THRB: variants seen among roughly 807,000 people sequenced by gnomAD.
THRB encodes the protein nuclear receptor subfamily 1 group A member 2.
THRB carries 12 observed loss-of-function variants against 47.8 expected under a neutral mutation model. The observed-to-expected ratio is 0.25, with a 90% CI of 0.16 to 0.41. THRB has a LOEUF of 0.41. THRB is among the 10% of genes least tolerant of loss of function. The pLI, the probability that THRB is intolerant of heterozygous loss-of-function variation, is 1.00. For missense variants in THRB, 348 were observed against 589.2 expected, an observed-to-expected ratio of 0.59 and a Z score of 4.24; for synonymous variants, 218 against 212.2, an observed-to-expected ratio of 1.03 and a Z score of -0.24.
intron 3 of THRB, among the ~76,000 whole-genome samples, chr3:24,237,246 C>A (rs2048967237): frequency 6.6e-6 from 1 of 152,178 alleles, no homozygotes; most frequent in African/African-American, 2.4e-5. Context: ...ACATAACAGA[C>A]TTTAGCAAAT....
chr3:24,338,340 T>C (rs574305572), intron 1 of THRB, among the ~76,000 whole-genome samples: 2 of 152,382 alleles, frequency 1.3e-5, no homozygotes, highest in South Asian at 4.1e-4. Context: ...ATTTTTCCTT[T>C]TTAACATTCA....
chr3:24,398,888 C>T (rs938845153), intron 1 of THRB, among the ~76,000 whole-genome samples: 1 of 152,112 alleles, frequency 6.6e-6, no homozygotes, highest in African/African-American at 2.4e-5. Flanking sequence ...CCATGGAATA[C>T]TATGCAGCCA....
intron 1 of THRB, among the ~76,000 whole-genome samples, chr3:24,404,561 T>C (rs2067672791): frequency 6.6e-6 from 1 of 151,928 alleles, no homozygotes; most frequent in Admixed American, 6.6e-5. Flanking sequence ...ACATGCAAAA[T>C]TGTAAACAAT....
intron 3 of THRB, among the ~76,000 whole-genome samples, chr3:24,241,057 A>G (rs1267588712): frequency 1.3e-5 from 2 of 152,120 alleles, no homozygotes; most frequent in Non-Finnish European, 2.9e-5. Context: ...TGCATTTTAA[A>G]TGGGCACACC....
intron 1 of THRB, among the ~76,000 whole-genome samples, chr3:24,438,022 A>G (rs143297135): frequency 2.5e-3 from 374 of 151,924 alleles, no homozygotes; most frequent in African/African-American, 8.5e-3. Context: ...CTTTCCTAAT[A>G]TGCCTTCAGA....
chr3:24,387,190 A>G (rs564713232), intron 1 of THRB, among the ~76,000 whole-genome samples: 19 of 152,252 alleles, frequency 1.2e-4, no homozygotes, highest in Middle Eastern at 3.4e-3. Context: ...CATCTTAATC[A>G]TCAGCAGTGA....
At chr3:24,231,088 G>A (rs1180814372) in intron 3 of THRB, among the ~76,000 whole-genome samples, 2 of 152,162 alleles carry the variant, frequency 1.3e-5, no homozygotes, top group African/African-American at 4.8e-5. Flanking sequence ...TGGCTATTCA[G>A]CCCTTCCTTG....
intron 1 of THRB, among the ~76,000 whole-genome samples, chr3:24,351,358 C>T (rs2063342831): frequency 6.6e-6 from 1 of 152,048 alleles, no homozygotes. Flanking sequence ...TCTGTTCTTG[C>T]CTTCACATCC....
chr3:24,295,474 T>C (rs755235806), intron 3 of THRB, among the ~76,000 whole-genome samples: 1 of 152,264 alleles, frequency 6.6e-6, no homozygotes, highest in Non-Finnish European at 1.5e-5. Context: ...TACTTTTTAC[T>C]GTGACATAAC....
chr3:24,386,887 C>T (rs920576027), intron 1 of THRB, among the ~76,000 whole-genome samples: 2 of 152,102 alleles, frequency 1.3e-5, no homozygotes, highest in African/African-American at 4.8e-5. Flanking sequence ...GTGGAGAGAA[C>T]TAAATGAGTT....
intron 4 of THRB, among the ~76,000 whole-genome samples, chr3:24,202,252 T>C (rs2044679343): frequency 6.6e-6 from 1 of 152,208 alleles, no homozygotes; most frequent in African/African-American, 2.4e-5. Flanking sequence ...GTCTTGTGAT[T>C]CTTCATCCCA....
At chr3:24,336,327 G>A (rs1014812076) in intron 2 of THRB, among the ~76,000 whole-genome samples, 3 of 152,202 alleles carry the variant, frequency 2.0e-5, no homozygotes, top group Non-Finnish European at 4.4e-5. Context: ...CCATGGGCAA[G>A]AGGAGGCACA....
At chr3:24,164,708 C>A (rs1279773987) in intron 5 of THRB, among the ~76,000 whole-genome samples, 1 of 152,122 alleles carries the variant, frequency 6.6e-6, no homozygotes, top group Non-Finnish European at 1.5e-5. Context: ...AACACCTACC[C>A]GCCAGAAGGA....
intron 1 of THRB, among the ~76,000 whole-genome samples, chr3:24,461,766 G>A (rs1009929751): frequency 2.6e-5 from 4 of 152,146 alleles, no homozygotes; most frequent in African/African-American, 9.7e-5. Flanking sequence ...ATGTCATACA[G>A]CATGCAAAAA....
chr3:24,281,349 T>C (rs892716173), intron 3 of THRB, among the ~76,000 whole-genome samples: 2 of 149,978 alleles, frequency 1.3e-5, no homozygotes, highest in African/African-American at 4.9e-5. Flanking sequence ...GCTTCATAAG[T>C]GAAGGAGAAA....
chr3:24,390,912 C>T (rs941532369), intron 1 of THRB, among the ~76,000 whole-genome samples: 2 of 151,766 alleles, frequency 1.3e-5, no homozygotes, highest in South Asian at 2.1e-4. Flanking sequence ...TGGGCTTTTG[C>T]CAGGTATTGC....
At chr3:24,472,196 G>A (rs1184318939) in intron 1 of THRB, among the ~76,000 whole-genome samples, 1 of 152,112 alleles carries the variant, frequency 6.6e-6, no homozygotes, top group East Asian at 1.9e-4. Context: ...TGTCCACCAA[G>A]GTTCATACTT....
At chr3:24,400,821 G>C (rs956304301) in intron 1 of THRB, among the ~76,000 whole-genome samples, 1 of 151,988 alleles carries the variant, frequency 6.6e-6, no homozygotes. Flanking sequence ...TTACCTTATT[G>C]AGTTGCCCCT....
intron 3 of THRB, among the ~76,000 whole-genome samples, chr3:24,273,589 A>C (rs909376461): frequency 2.0e-5 from 3 of 152,218 alleles, no homozygotes; most frequent in African/African-American, 4.8e-5. Flanking sequence ...GTGAAGACAG[A>C]AAGTTTTTTC....
Sources: gnomAD v4.1 joint callset for allele counts (sites outside exome capture counted in the v4.1 genomes callset) on GRCh38, gnomAD v4.1.1 for gene constraint, MANE v1.5 for transcripts, NCBI Gene and HGNC (gene_info 2026-07-23, HGNC 2026-07-21) for gene names.